CRLF2: variants seen among roughly 807,000 people sequenced by gnomAD.
CRLF2 encodes the protein cytokine receptor-like factor 2.
In CRLF2, 41 loss-of-function variants were observed where a neutral mutation model predicts 38.7. The observed-to-expected ratio is 1.06, with a 90% CI of 0.83 to 1.37. The LOEUF is 1.37. Among genes scored for constraint, CRLF2 ranks in the 40% most tolerant of loss-of-function variants. The pLI, the probability that CRLF2 is intolerant of heterozygous loss-of-function variation, is 0.00. For missense variants in CRLF2, 377 were observed against 322.2 expected, an observed-to-expected ratio of 1.17 and a Z score of -1.30; for synonymous variants, 140 against 128.8, an observed-to-expected ratio of 1.09 and a Z score of -0.59.
intron 7 of CRLF2, 138 bp from the exon 8 acceptor site, chrX:1,191,298 T>TTTCTTTCC (rs1454599600): frequency 0.083 from 27,331 of 327,406 alleles, 1,076 homozygotes; most frequent in Non-Finnish European, 0.1. Flanking sequence ...TTCTTTTCTC[T>TTTCTTTCC]TTCTTTCTTT....
chrX:1,209,197 G>A (rs2086745502), intron 1 of CRLF2, among the ~76,000 whole-genome samples: 2 of 151,858 alleles, frequency 1.3e-5, no homozygotes, highest in Non-Finnish European at 2.9e-5. Flanking sequence ...TCGATCTCCT[G>A]ACCTCATGAT....
At chrX:1,209,020 T>A (rs1415803818) in intron 1 of CRLF2, 112 bp from the exon 2 acceptor site, 5 of 671,990 alleles carry the variant, frequency 7.4e-6, no homozygotes, top group African/African-American at 1.8e-5. Context: ...CAGGCTGGAG[T>A]ACAATGGCAC....
intron 4 of CRLF2, among the ~76,000 whole-genome samples, chrX:1,200,273 C>T (rs2086578320): frequency 6.7e-6 from 1 of 150,052 alleles, no homozygotes; most frequent in East Asian, 2.0e-4. Flanking sequence ...ATATAAGGTG[C>T]ATATATATGT....
At chrX:1,209,196 T>C (rs2086745457) in intron 1 of CRLF2, among the ~76,000 whole-genome samples, 1 of 151,960 alleles carries the variant, frequency 6.6e-6, no homozygotes, top group African/African-American at 2.4e-5. Flanking sequence ...CTCGATCTCC[T>C]GACCTCATGA....
rs1449403537 is a variant in CRLF2, at chrX:1,201,429, A to G, written c.483+973T>C. Among the ~76,000 whole-genome samples the G allele has an allele frequency of 7.4e-5, 9 of 120,942 alleles. No homozygotes were observed. In the East Asian group the frequency reaches 2.1e-3, roughly 28 times the overall value. 79.3% of individuals were successfully genotyped at this position (120,942 alleles called of 152,430 possible). A position where few individuals can be genotyped will look rare whatever the true frequency, so the allele number is the denominator to read the frequency against. ...AGACAGATAAAGAAATGATAGATACATAGATAAAACAGAGAGATGACAGAG... is the reference window on the plus strand; with the variant it reads ...AGACAGATAAAGAAATGATAGATACGTAGATAAAACAGAGAGATGACAGAG... On this transcript the variant is annotated intron_variant, in intron 4 of 7. Coordinates refer to ENST00000400841, the MANE Select transcript of CRLF2 (RefSeq NM_022148.4).
intron 1 of CRLF2, among the ~76,000 whole-genome samples, chrX:1,211,268 GAT>G (rs2086793311): frequency 6.7e-6 from 1 of 148,200 alleles, no homozygotes; most frequent in Non-Finnish European, 1.5e-5. Flanking sequence ...TGGATGGATG[GAT>G]GGATGGATGG....
intron 7 of CRLF2, among the ~76,000 whole-genome samples, 187 bp from the exon 8 acceptor site, chrX:1,191,347 T>TTTCTTTCCTTTCTTTC (rs2086375558): frequency 7.6e-5 from 7 of 91,676 alleles, no homozygotes; most frequent in African/African-American, 2.8e-4. Context: ...CTTTCTTTCC[T>TTTCTTTCCTTTCTTTC]TCTTTCTTTC....
At chrX:1,192,130 G>A (rs1267173273) in intron 7 of CRLF2, among the ~76,000 whole-genome samples, 7 of 147,494 alleles carry the variant, frequency 4.7e-5, no homozygotes, top group African/African-American at 1.0e-4. Context: ...GCGTGAACCC[G>A]GGAGGTGGAG....
chrX:1,206,470 G>C lies in CRLF2; in HGVS notation c.312C>G (p.His104Gln). ...ILYFSIRNGT[H>Q]PVFTASRWMV... ...TCCAGCGACTTGCGGTGAAAACGGG[G>C]TGCGTCCCATTCCTGATGGAGAAAT... Residue 104 changes from histidine to glutamine, a missense_variant, in exon 3 of 8, where the codon CAC becomes CAG. Transcript: ENST00000400841. The C allele has an allele frequency of 4.3e-6, 7 of 1,613,608 alleles. No homozygotes were observed. Among genetic ancestry groups the C allele is most frequent in the Non-Finnish European group, 5.9e-6 (7 of 1,179,638 alleles).
chrX:1,191,982 G>A (rs1245233139), intron 7 of CRLF2, among the ~76,000 whole-genome samples: 1 of 147,644 alleles, frequency 6.8e-6, no homozygotes, highest in Non-Finnish European at 1.5e-5. Context: ...AAGGTGGGTG[G>A]ATCATGAGGT....
intron 3 of CRLF2, among the ~76,000 whole-genome samples, chrX:1,203,249 A>G (rs1248230170): frequency 1.3e-5 from 2 of 152,102 alleles, no homozygotes; most frequent in Non-Finnish European, 2.9e-5. Context: ...GAGGAGATGC[A>G]GACACAGAGG....
At chrX:1,205,810 C>T (rs1375077377) in intron 3 of CRLF2, among the ~76,000 whole-genome samples, 4 of 151,280 alleles carry the variant, frequency 2.6e-5, no homozygotes, top group African/African-American at 9.7e-5. Context: ...CTACGGTAAT[C>T]ACTGATCCAG....
At chrX:1,191,712 G>A (rs1286344763) in intron 7 of CRLF2, among the ~76,000 whole-genome samples, 10 of 151,436 alleles carry the variant, frequency 6.6e-5, no homozygotes, top group African/African-American at 2.4e-4. Flanking sequence ...TGTATTTTTA[G>A]TAGAGACGGG....
At chrX:1,193,032 C>T (rs1380077899) in intron 7 of CRLF2, among the ~76,000 whole-genome samples, 186 bp downstream of exon 7, 2 of 151,668 alleles carry the variant, frequency 1.3e-5, no homozygotes, top group African/African-American at 2.4e-5. Flanking sequence ...AGGCTGGTCT[C>T]GAACTCCTGA....
In CRLF2 at chrX:1,198,686, G is replaced by A; in HGVS notation, c.522C>T (p.Gly174=). Residue 174 remains glycine (G), a synonymous_variant, in exon 5 of 8, where the codon GGC becomes GGT. Transcript: ENST00000400841. The stretch of plus-strand genomic sequence containing the variant: ...AAGAGTAACACTTCTCGGCATCCAA[G>A]CCTTCTATGGTGACGTTGCAGGTAT... ...QENTCNVTIE[G]LDAEKCYSFW... is the part of the protein sequence containing the mutation. 1 of 1,608,230 alleles carries A rather than the reference G, an allele frequency of 6.2e-7. No individual in the cohort carries two copies. The highest frequency in any genetic ancestry group is 8.5e-7 in the Non-Finnish European group (1 of 1,177,190).
intron 7 of CRLF2, among the ~76,000 whole-genome samples, chrX:1,192,200 G>A (rs1456687865): frequency 3.4e-3 from 243 of 71,196 alleles, no homozygotes; most frequent in African/African-American, 8.0e-3. Flanking sequence ...GCGAGACTCC[G>A]TCTCAAAAAA....
Position 1,208,687 on chromosome X carries a change from C to T in CRLF2, c.182+119G>A, listed in dbSNP as rs1262310468. 48 of 687,804 alleles carry T rather than the reference C, an allele frequency of 7.0e-5. 1 individual carries two copies. The highest frequency in any genetic ancestry group is 6.2e-4 in the African/African-American group (35 of 56,474). The allele number at this position is 687,804 out of a possible 1,614,324, so 42.6% of individuals were successfully genotyped here. A position where few individuals can be genotyped will look rare whatever the true frequency, so the allele number is the denominator to read the frequency against. Reference sequence around the variant, plus strand: ...CTGAGGGTTTCACAGAACAAACATTCCGGCTTGCACAGTCTGATGCTTTAC... The same window carrying T: ...CTGAGGGTTTCACAGAACAAACATTTCGGCTTGCACAGTCTGATGCTTTAC... On this transcript the variant is annotated intron_variant, in intron 2 of 7. Transcript: ENST00000400841.
rs1443642482 is a variant in CRLF2, at chrX:1,190,872, G to C, written c.*25C>G. On this transcript the variant is annotated 3_prime_UTR_variant, in exon 8 of 8. Transcript: ENST00000400841. ...TTTAAATGTCAACGTGGATCCTGACGTTGACTTTGACAGTGGTGTGTCCAT... is the reference window on the plus strand; with the variant it reads ...TTTAAATGTCAACGTGGATCCTGACCTTGACTTTGACAGTGGTGTGTCCAT... 1 of 398,688 alleles carries C rather than the reference G, an allele frequency of 2.5e-6. No homozygotes were observed. Among genetic ancestry groups the C allele is most frequent in the Non-Finnish European group, 4.4e-6 (1 of 226,094 alleles). 24.7% of individuals were successfully genotyped at this position (398,688 alleles called of 1,614,324 possible). A position where few individuals can be genotyped will look rare whatever the true frequency, so the allele number is the denominator to read the frequency against.
intron 1 of CRLF2, 140 bp downstream of exon 1, chrX:1,212,416 C>CA (rs113332377): frequency 2.0e-5 from 11 of 563,740 alleles, no homozygotes; most frequent in South Asian, 4.5e-5. Flanking sequence ...TGCTTGAACC[C>CA]GGAAAAAAAA....
Sources: allele counts gnomAD v4.1 joint callset (sites outside exome capture counted in the v4.1 genomes callset), GRCh38; gene constraint gnomAD v4.1.1; transcripts MANE v1.5; gene names NCBI Gene and HGNC (gene_info 2026-07-23, HGNC 2026-07-21).